RAD51B: variants seen among roughly 807,000 people sequenced by gnomAD.
RAD51B encodes RAD51 paralog B.
RAD51B carries 38 observed loss-of-function variants against 42.2 expected under a neutral mutation model. The observed-to-expected ratio is 0.90, with a 90% confidence interval of 0.70 to 1.18. The LOEUF is 1.18. Ranked by LOEUF, RAD51B falls within the 50% of genes most tolerant of loss-of-function variation. The pLI, the probability that RAD51B is intolerant of heterozygous loss-of-function variation, is 0.00. For synonymous variants in RAD51B, 154 were observed against 145.2 expected (o/e 1.06, Z -0.43); for missense variants, 373 against 400.7 (o/e 0.93, Z 0.59).
intron 10 of RAD51B, among the ~76,000 whole-genome samples, chr14:68,606,770 G>T (rs1891463952): frequency 6.6e-6 from 1 of 152,214 alleles, no homozygotes. Context: ...GTTATTAACT[G>T]AGTCGGAACT....
chr14:68,162,687 A>C (rs1312980491), intron 7 of RAD51B, among the ~76,000 whole-genome samples: 2 of 152,206 alleles, frequency 1.3e-5, no homozygotes, highest in Non-Finnish European at 2.9e-5. Context: ...CGGGAGGCTG[A>C]GGCAGGAGAA....
chr14:68,214,580 AG>A (rs1187583626), intron 7 of RAD51B, among the ~76,000 whole-genome samples: 5 of 152,228 alleles, frequency 3.3e-5, no homozygotes, highest in Non-Finnish European at 7.3e-5. Flanking sequence ...AGTATTTTAA[AG>A]GCTTATTTGT....
At chr14:68,378,029 G>C (rs2083406573) in intron 8 of RAD51B, among the ~76,000 whole-genome samples, 1 of 152,170 alleles carries the variant, frequency 6.6e-6, no homozygotes, top group African/African-American at 2.4e-5. Flanking sequence ...GTCTCCTAGA[G>C]ATTTTTTAAC....
In RAD51B at chr14:68,281,017, A is replaced by G. The variant is rs117023182; in HGVS notation, c.757-10867A>G. Among the ~76,000 whole-genome samples the G allele has an allele frequency of 2.6e-3, 392 of 152,062 alleles. 3 individuals carry two copies. The highest frequency in any genetic ancestry group is 3.4e-3 in the Non-Finnish European group (234 of 67,970). ...GGCTGCAGTGAGCCGTGATTGCACTACTGCAGTTTAGTCTGGATGGCAGAG... is the reference window on the plus strand; with the variant it reads ...GGCTGCAGTGAGCCGTGATTGCACTGCTGCAGTTTAGTCTGGATGGCAGAG... On this transcript the variant is annotated intron_variant, in intron 7 of 10. Transcript: ENST00000471583.
intron 10 of RAD51B, among the ~76,000 whole-genome samples, chr14:68,605,569 T>A (rs1356353316): frequency 6.6e-6 from 1 of 152,216 alleles, no homozygotes; most frequent in East Asian, 1.9e-4. Context: ...GTCCCAGGCC[T>A]CCTCTAGCCC....
intron 8 of RAD51B, among the ~76,000 whole-genome samples, chr14:68,374,212 T>C (rs1020714545): frequency 6.6e-6 from 1 of 152,190 alleles, no homozygotes; most frequent in Non-Finnish European, 1.5e-5. Context: ...TCATTCTGAT[T>C]TTCCTAGTGC....
At chr14:68,156,381 G>A (rs182340362) in intron 7 of RAD51B, among the ~76,000 whole-genome samples, 1 of 151,132 alleles carries the variant, frequency 6.6e-6, no homozygotes, top group Non-Finnish European at 1.5e-5. Flanking sequence ...TGTGTGGAAG[G>A]TTGGTTTCTC....
intron 9 of RAD51B, among the ~76,000 whole-genome samples, chr14:68,429,442 C>G (rs965556686): frequency 2.0e-5 from 3 of 152,150 alleles, no homozygotes; most frequent in Non-Finnish European, 2.9e-5. Flanking sequence ...TTAATGATCG[C>G]CATTCTAACT....
chr14:67,845,816 A>G (rs2041592639), intron 4 of RAD51B, among the ~76,000 whole-genome samples: 1 of 152,208 alleles, frequency 6.6e-6, no homozygotes, highest in South Asian at 2.1e-4. Flanking sequence ...TTTCTTTTGT[A>G]GGTGACTTGC....
chr14:68,600,298 C>G (rs1891164674), downstream of RAD51B, among the ~76,000 whole-genome samples: 1 of 152,226 alleles, frequency 6.6e-6, no homozygotes, highest in Non-Finnish European at 1.5e-5. Flanking sequence ...CCTCAGGGGA[C>G]TGGGCCCGTC....
At position 67,913,590 on chromosome 14, in the gene RAD51B, A is replaced by T. The variant is rs151246838; in HGVS notation, c.756+26386A>T. On this transcript the variant is annotated intron_variant, in intron 7 of 10. Coordinates refer to ENST00000471583, the MANE Select transcript of RAD51B (RefSeq NM_133510.4). Reference sequence around the variant, plus strand: ...TAATCAATGCATTCTTCACTGCCACATACCAGTTTTGCTTAATAATGTCTT... The same window carrying T: ...TAATCAATGCATTCTTCACTGCCACTTACCAGTTTTGCTTAATAATGTCTT... 6.0e-3 allele frequency among the ~76,000 whole-genome samples: 919 copies of T among 152,334 alleles called. 11 individuals are homozygous for T. The highest frequency in any genetic ancestry group is 0.02 in the Middle Eastern group (6 of 294).
intron 7 of RAD51B, among the ~76,000 whole-genome samples, chr14:68,131,775 C>T (rs1001201690): frequency 1.3e-5 from 2 of 152,060 alleles, no homozygotes; most frequent in East Asian, 1.9e-4. Context: ...TGTTTGACTG[C>T]CATGTGTTCA....
intron 10 of RAD51B, among the ~76,000 whole-genome samples, chr14:68,634,580 C>T (rs1042526038): frequency 1.6e-4 from 24 of 152,276 alleles, no homozygotes; most frequent in African/African-American, 5.3e-4. Context: ...CTGCCACTGG[C>T]TCCACAGTCC....
At chr14:68,076,708 G>A (rs2076839272) in intron 7 of RAD51B, among the ~76,000 whole-genome samples, 1 of 152,182 alleles carries the variant, frequency 6.6e-6, no homozygotes. Context: ...TGAAGAATAT[G>A]TATGATATTT....
chr14:68,081,992 G>T, intron 7 of RAD51B, among the ~76,000 whole-genome samples: 1 of 150,740 alleles, frequency 6.6e-6, no homozygotes, highest in East Asian at 1.9e-4. Context: ...ACAGAGTCTT[G>T]CTCTGTTGCC....
intron 8 of RAD51B, among the ~76,000 whole-genome samples, chr14:68,410,944 G>C (rs1044769634): frequency 2.6e-5 from 4 of 151,240 alleles, no homozygotes; most frequent in East Asian, 1.9e-4. Context: ...GTGTATACGG[G>C]GGGGTGGGAG....
At chr14:67,950,926 T>C (rs566077415) in intron 7 of RAD51B, among the ~76,000 whole-genome samples, 1 of 152,290 alleles carries the variant, frequency 6.6e-6, no homozygotes, top group African/African-American at 2.4e-5. Context: ...GACAGGAGAA[T>C]GGCTGTCCTG....
intron 10 of RAD51B, chr14:68,497,195 C>T: frequency 7.2e-7 from 1 of 1,385,256 alleles, no homozygotes; most frequent in Non-Finnish European, 9.6e-7. Flanking sequence ...CGCTTTTCTG[C>T]CACAGAAACA....
At chr14:68,355,975 A>G (rs1051991527) in intron 8 of RAD51B, among the ~76,000 whole-genome samples, 2 of 152,242 alleles carry the variant, frequency 1.3e-5, no homozygotes, top group African/African-American at 4.8e-5. Flanking sequence ...TCATTTAAAA[A>G]TTGCAGTAAA....
Sources: gnomAD v4.1 joint callset for allele counts (sites outside exome capture counted in the v4.1 genomes callset) on GRCh38, gnomAD v4.1.1 for gene constraint, MANE v1.5 for transcripts, NCBI Gene and HGNC (gene_info 2026-07-23, HGNC 2026-07-21) for gene names.